Variants in RNF150 observed in about 807,000 individuals in gnomAD.
RNF150 encodes the protein ring finger protein 150.
RNF150 carries 24 observed loss-of-function variants against 39.3 expected under a neutral mutation model. The ratio of observed to expected loss-of-function variants is 0.61; its 90% CI spans 0.44 to 0.86. RNF150 has a LOEUF of 0.86. Among genes scored for constraint, RNF150 ranks in the 40% least tolerant of loss-of-function variants. The pLI is 0.00. For missense variants in RNF150, 502 were observed against 587.8 expected, an observed-to-expected ratio of 0.85 and a Z score of 1.51; for synonymous variants, 255 against 227.3, an observed-to-expected ratio of 1.12 and a Z score of -1.10.
intron 1 of RNF150, among the ~76,000 whole-genome samples, chr4:141,196,887 G>A (rs1192909034): frequency 2.6e-5 from 4 of 152,150 alleles, no homozygotes; most frequent in Admixed American, 1.3e-4. Flanking sequence ...TTCCAGAAAG[G>A]TGGCCAGCTG....
chr4:140,873,203 G>A (rs574392771), intron 6 of RNF150, among the ~76,000 whole-genome samples: 1 of 152,256 alleles, frequency 6.6e-6, no homozygotes, highest in African/African-American at 2.4e-5. Flanking sequence ...AGGAAGATAC[G>A]GTAATACCTG....
intron 1 of RNF150, among the ~76,000 whole-genome samples, chr4:141,007,012 G>A (rs763663605): frequency 6.6e-6 from 1 of 152,132 alleles, no homozygotes; most frequent in Non-Finnish European, 1.5e-5. Flanking sequence ...ATCTGTACTA[G>A]GCTAGCTCCT....
At chr4:141,155,602 T>C (rs1385892217) in intron 1 of RNF150, among the ~76,000 whole-genome samples, 4 of 152,138 alleles carry the variant, frequency 2.6e-5, no homozygotes, top group African/African-American at 9.7e-5. Context: ...GGTATGCAAG[T>C]ATGAGTAGTA....
At chr4:141,094,941 C>T (rs181571096) in intron 1 of RNF150, among the ~76,000 whole-genome samples, 178 of 152,332 alleles carry the variant, frequency 1.2e-3, no homozygotes, top group African/African-American at 4.0e-3. Context: ...GCTGCTGCTT[C>T]TGCATATGAT....
At chr4:141,026,957 A>G (rs931188264) in intron 1 of RNF150, among the ~76,000 whole-genome samples, 3 of 152,204 alleles carry the variant, frequency 2.0e-5, no homozygotes, top group African/African-American at 7.2e-5. Flanking sequence ...TCTTGGCTTC[A>G]GATGTGGCCA....
chr4:141,171,456 CAGAAAGAG>C (rs1428665735), intron 1 of RNF150, among the ~76,000 whole-genome samples: 4 of 88,056 alleles, frequency 4.5e-5, no homozygotes, highest in South Asian at 5.2e-4. Context: ...GAGAGACAGA[CAGAAAGAG>C]AGAGAGAGAG....
At chr4:140,905,464 A>T (rs1269855004) in intron 6 of RNF150, among the ~76,000 whole-genome samples, 1 of 152,146 alleles carries the variant, frequency 6.6e-6, no homozygotes, top group East Asian at 1.9e-4. Flanking sequence ...CCATTGCCAG[A>T]TGTGCAATGA....
At chr4:140,945,551 CTACATATATATATACATATA>C (rs1370982512) in intron 4 of RNF150, among the ~76,000 whole-genome samples, 4 of 146,746 alleles carry the variant, frequency 2.7e-5, no homozygotes, top group African/African-American at 5.0e-5. Context: ...CATATATACA[CTACATATATATATACATATA>C]TACATATATA....
intron 1 of RNF150, among the ~76,000 whole-genome samples, chr4:141,189,829 C>G (rs1240789071): frequency 2.0e-5 from 3 of 152,192 alleles, no homozygotes; most frequent in Non-Finnish European, 4.4e-5. Context: ...TCTTAGTTTC[C>G]TGGGGTCCGT....
intron 6 of RNF150, among the ~76,000 whole-genome samples, chr4:140,897,963 C>G (rs1445435646): frequency 6.6e-6 from 1 of 152,156 alleles, no homozygotes; most frequent in African/African-American, 2.4e-5. Context: ...ACATTATTGT[C>G]AGGGACATAA....
chr4:140,932,870 G>A lies in RNF150; in HGVS notation c.891-6797C>T, dbSNP rs557127104. On this transcript the variant is annotated intron_variant, in intron 4 of 6. Transcript: ENST00000515673. ...GCTGACCTATCAATTAACAATGTTT[G>A]AGATAGTGACTGCTTTGTCAGCCTG... 3.3e-5 allele frequency among the ~76,000 whole-genome samples: 5 copies of A among 152,336 alleles called. No homozygotes were observed. The South Asian group carries it at 1.0e-3, about 32-fold the overall frequency.
At chr4:141,034,078 T>C (rs1426325480) in intron 1 of RNF150, among the ~76,000 whole-genome samples, 2 of 152,200 alleles carry the variant, frequency 1.3e-5, no homozygotes, top group African/African-American at 2.4e-5. Flanking sequence ...AGGTCCTAGA[T>C]GGCACTTTCT....
chr4:141,119,326 T>C (rs900063865), intron 1 of RNF150, among the ~76,000 whole-genome samples: 1 of 152,202 alleles, frequency 6.6e-6, no homozygotes, highest in African/African-American at 2.4e-5. Context: ...AAGCAGTCCA[T>C]ATACAAAGAG....
chr4:141,153,952 CTTA>C (rs1727342721), intron 1 of RNF150, among the ~76,000 whole-genome samples: 1 of 152,208 alleles, frequency 6.6e-6, no homozygotes, highest in African/African-American at 2.4e-5. Flanking sequence ...AGATATGCCA[CTTA>C]TTAGTTGTCT....
chr4:141,113,130 CT>C (rs1739440202), intron 1 of RNF150, among the ~76,000 whole-genome samples: 1 of 151,832 alleles, frequency 6.6e-6, no homozygotes, highest in Admixed American at 6.6e-5. Context: ...TTCCTCTAAT[CT>C]TTTTTCAAGG....
chr4:141,034,373 T>C (rs761668981), intron 1 of RNF150, among the ~76,000 whole-genome samples: 2 of 152,170 alleles, frequency 1.3e-5, no homozygotes, highest in Admixed American at 6.6e-5. Context: ...CTTAAGGGAA[T>C]GTTGTAGCTG....
intron 1 of RNF150, among the ~76,000 whole-genome samples, chr4:141,059,257 C>T (rs1487156876): frequency 3.3e-5 from 5 of 152,078 alleles, no homozygotes; most frequent in African/African-American, 7.2e-5. Context: ...TATGTTTAGT[C>T]GAATCGCTAT....
At chr4:141,062,259 CTTTGT>C (rs199609288) in intron 1 of RNF150, among the ~76,000 whole-genome samples, 1,547 of 152,066 alleles carry the variant, frequency 0.01, 21 homozygotes, top group African/African-American at 0.034. Flanking sequence ...GTAAAATTCT[CTTTGT>C]TTTATGTCTG....
intron 1 of RNF150, among the ~76,000 whole-genome samples, chr4:141,011,208 C>G (rs1270167431): frequency 6.6e-6 from 1 of 151,972 alleles, no homozygotes; most frequent in Non-Finnish European, 1.5e-5. Flanking sequence ...ATTCTGAAAG[C>G]TGTATTCTTG....
Sources: allele counts gnomAD v4.1 joint callset (sites outside exome capture counted in the v4.1 genomes callset), GRCh38; gene constraint gnomAD v4.1.1; transcripts MANE v1.5; gene names NCBI Gene and HGNC (gene_info 2026-07-23, HGNC 2026-07-21).